CHN2: variants seen among roughly 807,000 people sequenced by gnomAD.
CHN2 encodes chimerin 2, also known as beta-chimaerin.
In CHN2, 35 loss-of-function variants were observed where a neutral mutation model predicts 56.3. The ratio of observed to expected loss-of-function variants is 0.62; its 90% CI spans 0.47 to 0.82. CHN2 has a LOEUF of 0.82. Among genes scored for constraint, CHN2 ranks in the 40% least tolerant of loss-of-function variants. CHN2 has a pLI of 0.00. For missense variants in CHN2, 491 were observed against 580.5 expected, an observed-to-expected ratio of 0.85 and a Z score of 1.58; for synonymous variants, 210 against 212.8, an observed-to-expected ratio of 0.99 and a Z score of 0.12.
At chr7:29,483,738 T>A (rs1787620494) in intron 7 of CHN2, 1 of 856,246 alleles carries the variant, frequency 1.2e-6, no homozygotes, top group Non-Finnish European at 1.5e-6. Flanking sequence ...ACCTTATGGC[T>A]GAGCTCTGAA....
At chr7:29,441,937 C>G (rs994036322) in intron 6 of CHN2, among the ~76,000 whole-genome samples, 2 of 152,028 alleles carry the variant, frequency 1.3e-5, no homozygotes, top group African/African-American at 4.8e-5. Context: ...AGGTGTATAA[C>G]CCACATAATT....
chr7:29,349,693 GT>G (rs1797730385), intron 1 of CHN2, among the ~76,000 whole-genome samples: 1 of 152,138 alleles, frequency 6.6e-6, no homozygotes, highest in Non-Finnish European at 1.5e-5. Context: ...TTTTTTAAAG[GT>G]TAGATACATA....
chr7:29,353,228 C>T (rs1798017708), intron 1 of CHN2, among the ~76,000 whole-genome samples: 1 of 152,204 alleles, frequency 6.6e-6, no homozygotes, highest in African/African-American at 2.4e-5. Flanking sequence ...GAAAGAATTC[C>T]ATTTAAGCTG....
At chr7:29,360,952 G>A (rs1012499605) in intron 2 of CHN2, among the ~76,000 whole-genome samples, 28 of 152,312 alleles carry the variant, frequency 1.8e-4, no homozygotes, top group Admixed American at 1.5e-3. Context: ...TGGGTTTCTT[G>A]GGGAGTTAGG....
chr7:29,213,297 G>A (rs1785093989), intron 1 of CHN2: 2 of 772,714 alleles, frequency 2.6e-6, no homozygotes, highest in East Asian at 4.9e-5. Flanking sequence ...TCCCTGATAG[G>A]ATTTTTCTTG....
At chr7:29,442,200 T>TA (rs1212430876) in intron 6 of CHN2, among the ~76,000 whole-genome samples, 1 of 152,162 alleles carries the variant, frequency 6.6e-6, no homozygotes, top group African/African-American at 2.4e-5. Context: ...ATCTCAAATT[T>TA]AAAAATCTGG....
chr7:29,277,134 G>A (rs946033489), intron 1 of CHN2, among the ~76,000 whole-genome samples: 29 of 152,100 alleles, frequency 1.9e-4, no homozygotes, highest in African/African-American at 5.1e-4. Flanking sequence ...AACAAGACCC[G>A]GTCCTGTGTC....
At chr7:29,498,316 A>G (rs1291065782) in intron 8 of CHN2, among the ~76,000 whole-genome samples, 2 of 152,264 alleles carry the variant, frequency 1.3e-5, no homozygotes, top group Non-Finnish European at 2.9e-5. Context: ...AGAGGATTCA[A>G]CAGGAAACCC....
At chr7:29,296,414 T>A (rs887729907) in intron 1 of CHN2, among the ~76,000 whole-genome samples, 1 of 152,194 alleles carries the variant, frequency 6.6e-6, no homozygotes, top group Non-Finnish European at 1.5e-5. Flanking sequence ...TCTAGCTATA[T>A]CTAATGTGTT....
intron 1 of CHN2, among the ~76,000 whole-genome samples, chr7:29,273,364 TATATATATATATATATATATATATAC>T (rs201363591): frequency 0.23 from 19,638 of 83,760 alleles, 2,986 homozygotes; most frequent in East Asian, 0.66. Context: ...TATATATATA[TATATATATATATATATATATATATAC>T]ACACACCACA....
intron 1 of CHN2, among the ~76,000 whole-genome samples, chr7:29,223,581 T>C (rs1247101411): frequency 6.6e-6 from 1 of 152,200 alleles, no homozygotes; most frequent in Admixed American, 6.5e-5. Context: ...GATTTATCTA[T>C]ATATTATGTC....
At chr7:29,466,089 C>A (rs754820630) in intron 6 of CHN2, among the ~76,000 whole-genome samples, 10 of 152,208 alleles carry the variant, frequency 6.6e-5, no homozygotes, top group Non-Finnish European at 1.5e-4. Flanking sequence ...TGTATCCCAG[C>A]CACTCAGGAG....
chr7:29,248,184 C>T (rs1243099832), intron 1 of CHN2, among the ~76,000 whole-genome samples: 14 of 152,182 alleles, frequency 9.2e-5, no homozygotes, highest in South Asian at 2.1e-4. Flanking sequence ...TGGGCCAGAG[C>T]GTCTGGAGAG....
intron 1 of CHN2, among the ~76,000 whole-genome samples, chr7:29,309,216 G>A (rs1207552523): frequency 6.6e-6 from 1 of 152,138 alleles, no homozygotes; most frequent in Non-Finnish European, 1.5e-5. Context: ...AAAGGACTTT[G>A]GCCTACGGTT....
chr7:29,181,430 A>G (rs1798039082), intron 2 of CHN2: 1 of 152,230 alleles, frequency 6.6e-6, no homozygotes, highest in Non-Finnish European at 1.5e-5. Context: ...AATAAACAGA[A>G]AGGCACATAT....
intron 3 of CHN2, among the ~76,000 whole-genome samples, chr7:29,383,002 ACAAG>A (rs1330507474): frequency 1.3e-5 from 2 of 152,160 alleles, no homozygotes; most frequent in Non-Finnish European, 2.9e-5. Flanking sequence ...TTCTGGACAC[ACAAG>A]CAAGGACCAT....
intron 6 of CHN2, among the ~76,000 whole-genome samples, chr7:29,414,546 C>T (rs980073724): frequency 3.9e-5 from 6 of 152,088 alleles, no homozygotes; most frequent in Non-Finnish European, 7.4e-5. Context: ...GAAACCCTGC[C>T]GCCAGCTGTC....
chr7:29,270,356 T>C (rs1790514242), intron 1 of CHN2, among the ~76,000 whole-genome samples: 1 of 152,004 alleles, frequency 6.6e-6, no homozygotes, highest in Non-Finnish European at 1.5e-5. Context: ...AATTTTGACA[T>C]TTAAAAAATG....
At chr7:29,512,024 C>T (rs1032036507) in intron 12 of CHN2, among the ~76,000 whole-genome samples, 2 of 152,080 alleles carry the variant, frequency 1.3e-5, no homozygotes, top group Admixed American at 1.3e-4. Flanking sequence ...TCCAGCCGTT[C>T]CCCCACCCCA....
Sources: gnomAD v4.1 joint callset for allele counts (sites outside exome capture counted in the v4.1 genomes callset) on GRCh38, gnomAD v4.1.1 for gene constraint, MANE v1.5 for transcripts, NCBI Gene and HGNC (gene_info 2026-07-23, HGNC 2026-07-21) for gene names.